NTM: variants seen among roughly 807,000 people sequenced by gnomAD.
The protein encoded by NTM is neurotrimin, also known as IgLON family member 2.
In NTM, 13 loss-of-function variants were observed where a neutral mutation model predicts 42.1. The ratio of observed to expected loss-of-function variants is 0.31; its 90% CI spans 0.20 to 0.49. The LOEUF (loss-of-function observed/expected upper bound fraction) is 0.49. Ranked by LOEUF, NTM falls within the 20% of genes least tolerant of loss-of-function variation. The pLI, the probability that NTM is intolerant of heterozygous loss-of-function variation, is 0.99. For synonymous variants in NTM, 187 were observed against 179.2 expected (o/e 1.04, Z -0.35); for missense variants, 373 against 452.8 (o/e 0.82, Z 1.60).
At chr11:131,482,667 C>T (rs751225481) in intron 1 of NTM, among the ~76,000 whole-genome samples, 2 of 152,156 alleles carry the variant, frequency 1.3e-5, no homozygotes, top group African/African-American at 4.8e-5. Flanking sequence ...TTTCCCTATA[C>T]CTCCAAAAGA....
At chr11:132,001,098 C>T (rs1242098049) in intron 2 of NTM, among the ~76,000 whole-genome samples, 1 of 152,010 alleles carries the variant, frequency 6.6e-6, no homozygotes. Flanking sequence ...TTGTGAGGAG[C>T]GTTTGTTTTG....
intron 3 of NTM, among the ~76,000 whole-genome samples, chr11:132,187,449 G>A (rs2078614095): frequency 6.6e-6 from 1 of 152,150 alleles, no homozygotes; most frequent in Non-Finnish European, 1.5e-5. Flanking sequence ...GGGAAAGGCA[G>A]TATATTTTAG....
chr11:132,321,585 C>T (rs1388273366), intron 7 of NTM, among the ~76,000 whole-genome samples: 2 of 152,146 alleles, frequency 1.3e-5, no homozygotes, highest in Non-Finnish European at 2.9e-5. Context: ...AAGAATGGAA[C>T]CAAGTTGGAA....
chr11:131,914,273 C>CCCTT (rs1053015018), intron 2 of NTM, among the ~76,000 whole-genome samples: 2 of 151,902 alleles, frequency 1.3e-5, no homozygotes, highest in Non-Finnish European at 2.9e-5. Flanking sequence ...GGACAGAGGA[C>CCCTT]CCTTCCTTCC....
At chr11:132,165,973 G>A (rs974480434) in intron 3 of NTM, among the ~76,000 whole-genome samples, 18 of 152,168 alleles carry the variant, frequency 1.2e-4, no homozygotes, top group Non-Finnish European at 1.5e-5. Flanking sequence ...ATTACAGCTT[G>A]CTCTGATGGC....
At chr11:131,641,535 G>A (rs2065127645) in intron 1 of NTM, among the ~76,000 whole-genome samples, 1 of 152,112 alleles carries the variant, frequency 6.6e-6, no homozygotes, top group Admixed American at 6.5e-5. Context: ...AAGTCTGAAG[G>A]TCATTCACTG....
intron 1 of NTM, among the ~76,000 whole-genome samples, chr11:131,766,244 C>A (rs1027837175): frequency 6.6e-6 from 1 of 152,170 alleles, no homozygotes; most frequent in Non-Finnish European, 1.5e-5. Flanking sequence ...TGATGGGAAG[C>A]AAAGCAGGTT....
intron 2 of NTM, among the ~76,000 whole-genome samples, chr11:132,131,005 A>T (rs1359031131): frequency 6.6e-6 from 1 of 152,204 alleles, no homozygotes; most frequent in Non-Finnish European, 1.5e-5. Context: ...TATGAATTAT[A>T]TGAGAAAGGG....
chr11:131,695,457 G>A (rs1455280402), intron 1 of NTM, among the ~76,000 whole-genome samples: 1 of 152,284 alleles, frequency 6.6e-6, no homozygotes, highest in East Asian at 1.9e-4. Flanking sequence ...ATCCGATGAG[G>A]CACATATTCA....
At chr11:132,266,341 G>A (rs1276029229) in intron 4 of NTM, among the ~76,000 whole-genome samples, 2 of 152,178 alleles carry the variant, frequency 1.3e-5, no homozygotes, top group Admixed American at 6.5e-5. Context: ...CTCTCTTGTT[G>A]CCAGTGTGGA....
chr11:132,052,477 G>A (rs1390376542), intron 2 of NTM, among the ~76,000 whole-genome samples: 1 of 152,156 alleles, frequency 6.6e-6, no homozygotes, highest in African/African-American at 2.4e-5. Context: ...CCCCAGCTCT[G>A]CCATGCTTAT....
intron 1 of NTM, among the ~76,000 whole-genome samples, chr11:131,737,531 T>C (rs1031242338): frequency 6.6e-6 from 1 of 152,240 alleles, no homozygotes; most frequent in Admixed American, 6.5e-5. Flanking sequence ...TTATTTGTTA[T>C]TTCATTTGCC....
intron 4 of NTM, among the ~76,000 whole-genome samples, chr11:132,267,900 G>A (rs1223313139): frequency 1.3e-5 from 2 of 151,700 alleles, no homozygotes. Flanking sequence ...TCATATCCAT[G>A]AAACTTTCTT....
At chr11:132,041,268 G>A (rs1450051477) in intron 2 of NTM, among the ~76,000 whole-genome samples, 2 of 151,190 alleles carry the variant, frequency 1.3e-5, no homozygotes, top group Non-Finnish European at 2.9e-5. Context: ...AAAGTGAGAA[G>A]TGGTTTGTTT....
intron 2 of NTM, among the ~76,000 whole-genome samples, chr11:132,141,221 TTC>T (rs1220053377): frequency 6.6e-6 from 1 of 150,960 alleles, no homozygotes; most frequent in Non-Finnish European, 1.5e-5. Flanking sequence ...CTCTCTCTCT[TTC>T]TCTCTCTCTT....
In NTM at chr11:131,370,778, AAAG is replaced by A. The variant is rs751924151; in HGVS notation, c.-23_-21del. On this transcript the variant is annotated 5_prime_UTR_variant, in exon 1 of 9. Coordinates refer to ENST00000683400, the MANE Select transcript of NTM (RefSeq NM_001352005.2). The stretch of plus-strand genomic sequence containing the variant: ...AAAGAAAAAAACCGAACCTGACAAA[AAAG>A]AAGAAAAAGAAGAAGAAAAAAAATC... 1.3e-6 allele frequency: 2 copies of A among 1,593,662 alleles called. No individual in the cohort carries two copies. The highest frequency in any genetic ancestry group is 2.2e-5 in the East Asian group (1 of 44,786).
chr11:131,445,969 C>A (rs1302776598), intron 1 of NTM, among the ~76,000 whole-genome samples: 1 of 152,206 alleles, frequency 6.6e-6, no homozygotes, highest in African/African-American at 2.4e-5. Flanking sequence ...CCTGCAAAGG[C>A]TAACATAGTT....
chr11:132,215,433 A>C (rs186426536), intron 4 of NTM, among the ~76,000 whole-genome samples: 1 of 151,952 alleles, frequency 6.6e-6, no homozygotes, highest in East Asian at 1.9e-4. Flanking sequence ...TAAATTGTGC[A>C]TTTCTAGTCT....
intron 1 of NTM, among the ~76,000 whole-genome samples, chr11:131,528,429 A>G (rs2050795032): frequency 6.6e-6 from 1 of 152,192 alleles, no homozygotes; most frequent in African/African-American, 2.4e-5. Flanking sequence ...TGTTCTTCTT[A>G]TCTGCATTTT....
Sources: gnomAD v4.1 joint callset for allele counts (sites outside exome capture counted in the v4.1 genomes callset) on GRCh38, gnomAD v4.1.1 for gene constraint, MANE v1.5 for transcripts, NCBI Gene and HGNC (gene_info 2026-07-23, HGNC 2026-07-21) for gene names.